The following MED27 variants were observed in gnomAD, a reference collection of about 807,000 sequenced individuals.
MED27 encodes mediator complex subunit 27, also known as mediator of RNA polymerase II transcription subunit 27.
A neutral mutation model predicts 38.2 loss-of-function variants in MED27; 30 were observed. The ratio of observed to expected loss-of-function variants is 0.79; its 90% confidence interval spans 0.59 to 1.07. The LOEUF (loss-of-function observed/expected upper bound fraction) is 1.07, where lower values mean the gene tolerates loss of function less well. MED27 is among the 50% of genes least tolerant of loss of function. The pLI is 0.00. For missense variants in MED27, 289 were observed against 397.5 expected, an observed-to-expected ratio of 0.73 and a Z score of 2.32; for synonymous variants, 122 against 153.5, an observed-to-expected ratio of 0.79 and a Z score of 1.52.
Position 132,033,773 on chromosome 9 carries a change from G to A in MED27, c.349-19306C>T, listed in dbSNP as rs544871613. On this transcript the variant is annotated intron_variant, in intron 2 of 7. Coordinates refer to ENST00000292035, the MANE Select transcript of MED27 (RefSeq NM_004269.4). ...TCTGTGTGTCTCCAGATTCTATTTCGCATAAAGGTAAGAGGAAGCCACTTT... is the reference window on the plus strand; with the variant it reads ...TCTGTGTGTCTCCAGATTCTATTTCACATAAAGGTAAGAGGAAGCCACTTT... Among the ~76,000 whole-genome samples, 9 of 152,224 alleles carry A rather than the reference G, an allele frequency of 5.9e-5. No individual in the cohort carries two copies. In the South Asian group the frequency reaches 1.5e-3, roughly 25 times the overall value.
chr9:131,985,280 T>G (rs936287576), intron 3 of MED27, among the ~76,000 whole-genome samples: 3 of 152,218 alleles, frequency 2.0e-5, no homozygotes, highest in African/African-American at 7.2e-5. Context: ...AAATTTTACA[T>G]AATACACTAA....
In MED27 at chr9:131,881,882, C is replaced by T. The variant is rs370621632; in HGVS notation, c.723+2176G>A. Among the ~76,000 whole-genome samples the T allele has an allele frequency of 1.1e-3, 159 of 146,888 alleles. 1 individual carries two copies. Among genetic ancestry groups the T allele is most frequent in the African/African-American group, 3.8e-3 (151 of 40,172 alleles). ...TGCAGTGGCTCACTGCAACCTCCCG[C>T]GTAGCTGGGATTACAGGCGCCCGCC... On this transcript the variant is annotated intron_variant, in intron 6 of 7. Transcript: ENST00000292035.
intron 2 of MED27, among the ~76,000 whole-genome samples, chr9:132,068,376 G>C (rs1012611738): frequency 6.6e-6 from 1 of 152,196 alleles, no homozygotes; most frequent in Non-Finnish European, 1.5e-5. Context: ...CATCCTGAGA[G>C]AGAGGGAGGA....
chr9:131,899,618 G>A (rs1829899537), intron 4 of MED27, among the ~76,000 whole-genome samples: 1 of 152,202 alleles, frequency 6.6e-6, no homozygotes. Context: ...GCGGTGGACA[G>A]CAAAGCTCAA....
At chr9:131,986,616 T>C (rs1212835078) in intron 3 of MED27, among the ~76,000 whole-genome samples, 1 of 152,232 alleles carries the variant, frequency 6.6e-6, no homozygotes, top group Non-Finnish European at 1.5e-5. Context: ...TAGAGGTTTG[T>C]AGCCTAGGAG....
At chr9:131,945,159 T>A (rs1309484079) in intron 3 of MED27, among the ~76,000 whole-genome samples, 1 of 147,448 alleles carries the variant, frequency 6.8e-6, no homozygotes, top group Admixed American at 6.8e-5. Context: ...TATATATATA[T>A]AAATATAAAA....
At chr9:131,908,108 C>T (rs1830107090) in intron 4 of MED27, among the ~76,000 whole-genome samples, 2 of 149,184 alleles carry the variant, frequency 1.3e-5, no homozygotes, top group African/African-American at 2.4e-5. Context: ...CCGGCAGCCA[C>T]CCTGTCCGGG....
At position 131,987,116 on chromosome 9, in the gene MED27, C is replaced by T. The variant is rs527492637; in HGVS notation, c.479+27221G>A. ...CCCCAAATTTTGCACTGCTCCACTG[C>T]CTCCTGGTATTAAATGACAGCTGTG... On this transcript the variant is annotated intron_variant, in intron 3 of 7. Transcript: ENST00000292035. 3.0e-4 allele frequency among the ~76,000 whole-genome samples: 45 copies of T among 148,782 alleles called. No homozygotes were observed. The South Asian group carries it at 9.2e-3, about 30-fold the overall frequency.
At chr9:131,912,549 C>T (rs773243535) in intron 4 of MED27, among the ~76,000 whole-genome samples, 2 of 152,156 alleles carry the variant, frequency 1.3e-5, no homozygotes, top group Admixed American at 6.5e-5. Flanking sequence ...CCCTCACCCC[C>T]GAGTCTGGAA....
chr9:131,979,684 T>A (rs1167941241), intron 3 of MED27, among the ~76,000 whole-genome samples: 2 of 152,202 alleles, frequency 1.3e-5, no homozygotes, highest in Non-Finnish European at 2.9e-5. Flanking sequence ...ATTTTAGGAA[T>A]GGAGAGTTTA....
intron 2 of MED27, among the ~76,000 whole-genome samples, chr9:132,024,557 C>T (rs4962072): frequency 0.94 from 143,724 of 152,272 alleles, 68,174 homozygotes; most frequent in East Asian, 1. Flanking sequence ...TGTCAGATAA[C>T]AAATTGATAA....
chr9:131,885,682 T>C (rs1019337708), intron 5 of MED27, among the ~76,000 whole-genome samples: 1 of 152,216 alleles, frequency 6.6e-6, no homozygotes, highest in Non-Finnish European at 1.5e-5. Context: ...TTTTACTGGT[T>C]TGCATGATAT....
chr9:132,073,590 G>C (rs1056779209), intron 2 of MED27: 2 of 1,404,108 alleles, frequency 1.4e-6, no homozygotes, highest in South Asian at 1.6e-5. Context: ...AAACAGAAAA[G>C]AGCACCTTCA....
chr9:131,945,937 C>T (rs1216205159), intron 3 of MED27, among the ~76,000 whole-genome samples: 1 of 147,198 alleles, frequency 6.8e-6, no homozygotes, highest in Non-Finnish European at 1.5e-5. Flanking sequence ...GACTGCATTC[C>T]AACCTGGGTG....
At chr9:132,075,658 G>T (rs1183518028) in intron 2 of MED27, among the ~76,000 whole-genome samples, 4 of 152,194 alleles carry the variant, frequency 2.6e-5, no homozygotes, top group Admixed American at 2.6e-4. Flanking sequence ...TGTAAGACTA[G>T]TCATTTCCAC....
chr9:131,873,729 C>A (rs1838875046), intron 6 of MED27, among the ~76,000 whole-genome samples: 1 of 152,188 alleles, frequency 6.6e-6, no homozygotes, highest in Admixed American at 6.5e-5. Context: ...GAGGTGAAGG[C>A]AGACATTGCT....
intron 4 of MED27, among the ~76,000 whole-genome samples, chr9:131,897,511 T>C (rs1829852848): frequency 6.6e-6 from 1 of 152,158 alleles, no homozygotes; most frequent in East Asian, 1.9e-4. Context: ...TATTATTGTA[T>C]GAGATGTGGG....
Position 132,051,285 on chromosome 9 carries a change from G to A in MED27, c.348+26157C>T, listed in dbSNP as rs1833459715. 6.6e-6 allele frequency among the ~76,000 whole-genome samples: 1 copy of A among 152,228 alleles called. No individual in the cohort carries two copies. Among genetic ancestry groups the A allele is most frequent in the South Asian group, 2.1e-4 (1 of 4,836 alleles). On this transcript the variant is annotated intron_variant, in intron 2 of 7. Transcript: ENST00000292035. The surrounding 1 kb of genome is among the most constrained non-coding windows in gnomAD (Gnocchi z 4.2). ...CCAGTAAGCTTTCCTGAGTGGGAAAGAAAGGGGTAGAATTACAGCTAGCTA... is the reference window on the plus strand; with the variant it reads ...CCAGTAAGCTTTCCTGAGTGGGAAAAAAAGGGGTAGAATTACAGCTAGCTA...
rs118179806 is a variant in MED27, at chr9:131,952,119, A to T, written c.480-12645T>A. Among the ~76,000 whole-genome samples the T allele has an allele frequency of 2.4e-4, 37 of 152,308 alleles. No individual in the cohort carries two copies. In the East Asian group the frequency reaches 6.6e-3, roughly 27 times the overall value. ...CCCCAGGAGGCTGGCCTACACACAG[A>T]TTACATCAACAAGCCTTTTTCCTCT... On this transcript the variant is annotated intron_variant, in intron 3 of 7. Coordinates refer to ENST00000292035, the MANE Select transcript of MED27 (RefSeq NM_004269.4).
Sources: gnomAD v4.1 joint callset for allele counts (sites outside exome capture counted in the v4.1 genomes callset) on GRCh38, gnomAD v4.1.1 for gene constraint, Gnocchi (gnomAD v3.1) non-coding constraint, MANE v1.5 for transcripts, NCBI Gene and HGNC (gene_info 2026-07-23, HGNC 2026-07-21) for gene names.